TRAF3IP3: variants seen among roughly 807,000 people sequenced by gnomAD.
The protein encoded by TRAF3IP3 is TRAF3 interacting protein 3.
TRAF3IP3 carries 64 observed loss-of-function variants against 86.5 expected under a neutral mutation model. That is an observed-to-expected ratio of 0.74 (90% CI 0.60 to 0.91). The LOEUF is 0.91. Among genes scored for constraint, TRAF3IP3 ranks in the 40% least tolerant of loss-of-function variants. The pLI is 0.00. For missense variants in TRAF3IP3, 579 were observed against 642.9 expected, an observed-to-expected ratio of 0.90 and a Z score of 1.07; for synonymous variants, 220 against 243.9, an observed-to-expected ratio of 0.90 and a Z score of 0.91.
chr1:209,768,019 AAAC>A, intron 8 of TRAF3IP3: 1 of 585,886 alleles, frequency 1.7e-6, no homozygotes, highest in Non-Finnish European at 2.1e-6. Flanking sequence ...TTTTAAAGAA[AAAC>A]AGTCTCAGAC....
chr1:209,778,219 G>A, intron 13 of TRAF3IP3, 46 bp downstream of exon 13: 3 of 1,580,014 alleles, frequency 1.9e-6, no homozygotes, highest in Non-Finnish European at 2.6e-6. Flanking sequence ...GTTTTCCTGG[G>A]GTCCTGGCCC....
At chr1:209,771,538 C>T (rs2077525974) in intron 8 of TRAF3IP3, among the ~76,000 whole-genome samples, 3 of 113,584 alleles carry the variant, frequency 2.6e-5, no homozygotes, top group African/African-American at 1.1e-4. Flanking sequence ...GGTGGAGGTA[C>T]GTGTATGCAG....
At chr1:209,779,097 T>C (rs867899268) in intron 13 of TRAF3IP3, 1 of 584,688 alleles carries the variant, frequency 1.7e-6, no homozygotes, top group Middle Eastern at 4.6e-4. Flanking sequence ...AATGACCCCA[T>C]TTTAACTTGA....
intron 3 of TRAF3IP3, 53 bp from the exon 4 acceptor site, chr1:209,762,462 T>C: frequency 7.1e-7 from 1 of 1,407,634 alleles, no homozygotes; most frequent in Non-Finnish European, 9.3e-7. Flanking sequence ...ATCAGGAGAG[T>C]CTTTCAAGAG....
chr1:209,779,917 G>T, intron 14 of TRAF3IP3: 1 of 175,244 alleles, frequency 5.7e-6, no homozygotes, highest in Non-Finnish European at 1.2e-5. Context: ...GTATGGATAA[G>T]AACATGAAAG....
chr1:209,768,048 C>T (rs764172149), intron 8 of TRAF3IP3: 85 of 774,080 alleles, frequency 1.1e-4, no homozygotes, highest in Middle Eastern at 1.3e-3. Context: ...CAGTTAACAG[C>T]TATTGTTTCC....
intron 8 of TRAF3IP3, among the ~76,000 whole-genome samples, chr1:209,771,156 GT>G (rs2077500045): frequency 1.5e-5 from 2 of 134,390 alleles, no homozygotes; most frequent in African/African-American, 2.8e-5. Flanking sequence ...GCATGTGAAG[GT>G]TGTGTGCATG....
chr1:209,768,673 T>TC, intron 8 of TRAF3IP3: 1 of 985,586 alleles, frequency 1.0e-6, no homozygotes, highest in Non-Finnish European at 1.2e-6. Context: ...GTGTATGGCC[T>TC]CCGCCTTGCT....
In TRAF3IP3 at chr1:209,762,655, C is replaced by A; in HGVS notation, c.486C>A (p.His162Gln). The A allele has an allele frequency of 1.3e-6, 2 of 1,545,910 alleles. No individual in the cohort carries two copies. The highest frequency in any genetic ancestry group is 1.7e-6 in the Non-Finnish European group (2 of 1,147,544). Residue 162 changes from histidine (H) to glutamine (Q), a missense_variant, in exon 4 of 17, where the codon CAC becomes CAA. Coordinates refer to ENST00000367025, the MANE Select transcript of TRAF3IP3 (RefSeq NM_025228.4). ...QDTPIKKPPK[H>Q]HRGTQTKAEG... Reference sequence around the variant, plus strand: ...CTCCCATCAAGAAGCCACCCAAACACCACCGTGGTAAGAGCAGAGCCTCCC... The same window carrying A: ...CTCCCATCAAGAAGCCACCCAAACAACACCGTGGTAAGAGCAGAGCCTCCC...
At position 209,760,024 on chromosome 1, in the gene TRAF3IP3, G is replaced by A. The variant is rs776314085; in HGVS notation, c.-16G>A. 2.3e-5 allele frequency: 37 copies of A among 1,595,076 alleles called. No individual in the cohort carries two copies. The South Asian group carries it at 2.6e-4, about 11-fold the overall frequency. On this transcript the variant is annotated 5_prime_UTR_variant, in exon 3 of 17. The change creates a new upstream start codon in the 5' untranslated region. Transcript: ENST00000367025. ...AGGAACTGGAAGCCAAGCGCAACAG[G>A]TGCTTGGAGGTCATCATGATCAGCC...
chr1:209,777,543 G>A, intron 12 of TRAF3IP3, 56 bp downstream of exon 12: 1 of 1,504,924 alleles, frequency 6.6e-7, no homozygotes, highest in Non-Finnish European at 8.9e-7. Context: ...AGTGAGCTAA[G>A]AAAAAAGAAA....
At position 209,763,069 on chromosome 1, in the gene TRAF3IP3, TACGGAGTTGC is replaced by T. The variant is rs1483690326; in HGVS notation, c.555_564del (p.Tyr185Ter). On this transcript the variant is annotated frameshift_variant and splice_region_variant, in exon 6 of 17. Transcript: ENST00000367025. LOFTEE classifies it high-confidence loss of function. ...ATTTTTAATTTCTTCTCTTTCCAGT[TACGGAGTTGC>T]AGTTCTGGATAAGGTAAGCACATAT... 2.2e-5 allele frequency: 36 copies of T among 1,613,560 alleles called. No individual in the cohort carries two copies. Among genetic ancestry groups the T allele is most frequent in the Non-Finnish European group, 3.1e-5 (36 of 1,179,794 alleles).
chr1:209,773,315 G>A (rs371145180), intron 9 of TRAF3IP3, among the ~76,000 whole-genome samples: 1 of 152,182 alleles, frequency 6.6e-6, no homozygotes. Flanking sequence ...TGACACTGTA[G>A]GGGAAGGCCC....
intron 13 of TRAF3IP3, 76 bp downstream of exon 13, chr1:209,778,249 G>A: frequency 7.5e-6 from 9 of 1,204,928 alleles, no homozygotes; most frequent in Non-Finnish European, 1.1e-5. Flanking sequence ...ACCCAGAGTA[G>A]GGACTAAGGG....
At chr1:209,765,227 G>GAGGAAGGAAGGAAGGAAGGAAGGA in intron 8 of TRAF3IP3, among the ~76,000 whole-genome samples, 1 of 58,300 alleles carries the variant, frequency 1.7e-5, no homozygotes, top group Admixed American at 2.0e-4. Flanking sequence ...GAGAGAGAGA[G>GAGGAAGGAAGGAAGGAAGGAAGGA]AGGAAGGAAG....
chr1:209,780,355 A>C, intron 14 of TRAF3IP3, 115 bp from the exon 15 acceptor site: 1 of 1,011,168 alleles, frequency 9.9e-7, no homozygotes, highest in Non-Finnish European at 1.4e-6. Context: ...AGTCTAGCCA[A>C]GAGCACGCCC....
chr1:209,777,381 C>A lies in TRAF3IP3; in HGVS notation c.1083C>A (p.Asn361Lys). ...CAGATAGCAGGGACTTACAGATGAA[C>A]CAGGCCCTGCGATTTTTGGAAAATG... Reference protein sequence around the residue: ...QGADSRDLQMNQALRFLENEH... With the variant: ...QGADSRDLQMKQALRFLENEH... The change falls in exon 12 of 17, where the codon AAC becomes AAA. Residue 361 changes from asparagine (N) to lysine (K), a missense_variant. Transcript: ENST00000367025. 5.0e-6 allele frequency: 8 copies of A among 1,613,940 alleles called. No individual in the cohort carries two copies. The South Asian group carries it at 5.5e-5, about 11-fold the overall frequency.
At position 209,763,105 on chromosome 1, in the gene TRAF3IP3, T is replaced by C. The variant is rs1186938406; in HGVS notation, c.576+13T>C. 1 of 1,612,844 alleles carries C rather than the reference T, an allele frequency of 6.2e-7. No homozygotes were observed. Among genetic ancestry groups the C allele is most frequent in the African/African-American group, 1.3e-5 (1 of 75,004 alleles). On this transcript the variant is annotated intron_variant, in intron 6 of 16. Coordinates refer to ENST00000367025, the MANE Select transcript of TRAF3IP3 (RefSeq NM_025228.4). ...AGTTCTGGATAAGGTAAGCACATAT[T>C]CACTTTGAAGGGGTCAAATCAGAAA...
intron 11 of TRAF3IP3, 24 bp from the exon 12 acceptor site, chr1:209,777,328 A>G (rs772341665): frequency 4.5e-5 from 73 of 1,607,194 alleles, no homozygotes; most frequent in Non-Finnish European, 5.5e-5. Context: ...CTCCTTCTAT[A>G]TTGGCCCTTC....
Sources: allele counts gnomAD v4.1 joint callset (sites outside exome capture counted in the v4.1 genomes callset), GRCh38; gene constraint gnomAD v4.1.1; transcripts MANE v1.5; gene names NCBI Gene and HGNC (gene_info 2026-07-23, HGNC 2026-07-21).